Variants in TAMM41 observed in about 807,000 individuals in gnomAD.
TAMM41 encodes TAM41 mitochondrial translocator assembly and maintenance homolog, also known as phosphatidate cytidylyltransferase, mitochondrial.
TAMM41 carries 36 observed loss-of-function variants against 44.1 expected under a neutral mutation model. That is an observed-to-expected ratio of 0.82 (90% CI 0.63 to 1.08). The LOEUF is 1.08. TAMM41 is among the 50% of genes least tolerant of loss of function. The pLI is 0.00. For missense variants in TAMM41, 417 were observed against 404.3 expected, an observed-to-expected ratio of 1.03 and a Z score of -0.27; for synonymous variants, 164 against 153.1, an observed-to-expected ratio of 1.07 and a Z score of -0.53.
downstream of TAMM41, among the ~76,000 whole-genome samples, chr3:11,790,096 T>TG (rs1265571547): frequency 1.3e-5 from 2 of 151,996 alleles, no homozygotes; most frequent in African/African-American, 4.8e-5. Context: ...GAGCCCCTGC[T>TG]GGAAAAAAAA....
At chr3:11,777,695 G>C in the TAMM41 span, among the ~76,000 whole-genome samples, 7 of 152,154 alleles carry the variant, frequency 4.6e-5, no homozygotes, top group African/African-American at 1.7e-4. Flanking sequence ...TCGGGAGGCT[G>C]AGGCAGGAGA....
chr3:11,790,398 G>A, downstream of TAMM41: 1 of 1,042,734 alleles, frequency 9.6e-7, no homozygotes, highest in Non-Finnish European at 1.5e-6. Flanking sequence ...ATGCAAACCA[G>A]GGTATCTTTG....
intron 7 of TAMM41, among the ~76,000 whole-genome samples, chr3:11,799,727 T>C (rs781717782): frequency 1.6e-4 from 25 of 152,152 alleles, no homozygotes; most frequent in Admixed American, 1.6e-3. Flanking sequence ...GATATCCAGA[T>C]ACAAGAGACC....
intron 5 of TAMM41, among the ~76,000 whole-genome samples, chr3:11,813,004 C>A (rs2078138997): frequency 6.6e-6 from 1 of 152,134 alleles, no homozygotes. Flanking sequence ...TGTAAGTTTC[C>A]TGGGAAAAGA....
the TAMM41 span, among the ~76,000 whole-genome samples, chr3:11,777,719 G>A: frequency 2.0e-5 from 3 of 152,100 alleles, no homozygotes; most frequent in African/African-American, 4.8e-5. Flanking sequence ...TCTTGAACCC[G>A]GGAGGCGGAG....
At chr3:11,760,583 T>A in the TAMM41 span, among the ~76,000 whole-genome samples, 7 of 152,006 alleles carry the variant, frequency 4.6e-5, no homozygotes, top group African/African-American at 1.4e-4. Flanking sequence ...TTTTTTGAGA[T>A]AGGGTCTTGC....
chr3:11,744,952 C>T, the TAMM41 span, among the ~76,000 whole-genome samples: 1 of 151,704 alleles, frequency 6.6e-6, no homozygotes, highest in South Asian at 2.1e-4. Flanking sequence ...CAACCTCCAC[C>T]TCCCAGGTTC....
At chr3:11,762,453 G>A in the TAMM41 span, among the ~76,000 whole-genome samples, 40,249 of 151,964 alleles carry the variant, frequency 0.26, 5,706 homozygotes, top group African/African-American at 0.38. Flanking sequence ...CTAGTATGCC[G>A]ATGGATGAAT....
At chr3:11,794,287 C>G (rs2077555025) in intron 7 of TAMM41, among the ~76,000 whole-genome samples, 1 of 152,090 alleles carries the variant, frequency 6.6e-6, no homozygotes, top group Admixed American at 6.5e-5. Context: ...CAGGTACATG[C>G]CACCACGCCC....
chr3:11,758,417 T>C, the TAMM41 span, among the ~76,000 whole-genome samples: 3 of 152,210 alleles, frequency 2.0e-5, no homozygotes, highest in African/African-American at 4.8e-5. Flanking sequence ...AGTGGCATGA[T>C]CTTGGCTCAC....
At chr3:11,783,976 C>T in the TAMM41 span, among the ~76,000 whole-genome samples, 1 of 152,176 alleles carries the variant, frequency 6.6e-6, no homozygotes, top group South Asian at 2.1e-4. Context: ...ATAGTAAGCA[C>T]TATCAAATTC....
chr3:11,782,033 T>C, the TAMM41 span, among the ~76,000 whole-genome samples: 5 of 148,252 alleles, frequency 3.4e-5, no homozygotes, highest in African/African-American at 1.2e-4. Context: ...TGACACCAGG[T>C]GTCTTTAGCT....
At chr3:11,833,322 T>C (rs1025658891) in intron 3 of TAMM41, among the ~76,000 whole-genome samples, 1 of 152,128 alleles carries the variant, frequency 6.6e-6, no homozygotes, top group Middle Eastern at 3.2e-3. Flanking sequence ...TATTTGTGAG[T>C]ACCTTTCAAG....
At position 11,808,561 on chromosome 3, in the gene TAMM41, C is replaced by CGGA. The variant is rs1017646403; in HGVS notation, c.875-669_875-667dup. 5 of 985,298 alleles carry CGGA rather than the reference C, an allele frequency of 5.1e-6. No individual in the cohort carries two copies. In the African/African-American group the frequency reaches 8.7e-5, roughly 17 times the overall value. The allele number at this position is 985,298 out of a possible 1,614,324, so 61.0% of individuals were successfully genotyped here. ...ATTACTGGAAATTCTATCTGGCACG[C>CGGA]GGAGGAGCTCAGTAAATATTTACTG... is the stretch of plus-strand genomic sequence containing the variant. On this transcript the variant is annotated intron_variant, in intron 6 of 7. Coordinates refer to ENST00000455809, the MANE Select transcript of TAMM41 (RefSeq NM_001284401.2).
chr3:11,801,704 A>T (rs575053390), intron 7 of TAMM41, among the ~76,000 whole-genome samples: 183 of 152,308 alleles, frequency 1.2e-3, no homozygotes, highest in African/African-American at 4.2e-3. Context: ...CAGTGCTAAG[A>T]GGGCATTACT....
chr3:11,763,341 T>C, the TAMM41 span, among the ~76,000 whole-genome samples: 1 of 152,322 alleles, frequency 6.6e-6, no homozygotes, highest in East Asian at 1.9e-4. Flanking sequence ...GAGGTCTTAC[T>C]ATTTTGCCCA....
intron 3 of TAMM41, chr3:11,833,120 C>G: frequency 7.8e-7 from 1 of 1,283,822 alleles, no homozygotes; most frequent in Non-Finnish European, 1.0e-6. Flanking sequence ...GAGTGAAAAG[C>G]CAGTGAACTC....
chr3:11,833,060 T>C lies in TAMM41; in HGVS notation c.412-3196A>G, dbSNP rs776907578. ...CTACTGTGCTGATCTGGTTCTTCAA[T>C]GAAAGGTGAACTAGGAACTTGTCTC... On this transcript the variant is annotated intron_variant, in intron 3 of 7. Coordinates refer to ENST00000455809, the MANE Select transcript of TAMM41 (RefSeq NM_001284401.2). The C allele has an allele frequency of 5.7e-6, 7 of 1,232,924 alleles. No homozygotes were observed. In the South Asian group the frequency reaches 9.7e-5, roughly 17 times the overall value. 76.4% of individuals were successfully genotyped at this position (1,232,924 alleles called of 1,614,324 possible). A position where few individuals can be genotyped will look rare whatever the true frequency, so the allele number is the denominator to read the frequency against.
At chr3:11,785,148 C>G in the TAMM41 span, among the ~76,000 whole-genome samples, 1 of 152,100 alleles carries the variant, frequency 6.6e-6, no homozygotes, top group South Asian at 2.1e-4. Flanking sequence ...CTCTCTACTG[C>G]TGGGTAGGAG....
Sources: allele counts gnomAD v4.1 joint callset (sites outside exome capture counted in the v4.1 genomes callset), GRCh38; gene constraint gnomAD v4.1.1; transcripts MANE v1.5; gene names NCBI Gene and HGNC (gene_info 2026-07-23, HGNC 2026-07-21).